HIRA: variants seen among roughly 807,000 people sequenced by gnomAD.
HIRA encodes histone cell cycle regulator.
HIRA carries 13 observed loss-of-function variants against 126.6 expected under a neutral mutation model. The observed-to-expected ratio is 0.10, with a 90% CI of 0.07 to 0.16. The LOEUF (loss-of-function observed/expected upper bound fraction) is 0.16, where lower values mean the gene tolerates loss of function less well. Among genes scored for constraint, HIRA ranks in the 10% least tolerant of loss-of-function variants. HIRA has a pLI of 1.00. For synonymous variants in HIRA, 511 were observed against 520.0 expected, an observed-to-expected ratio of 0.98 and a Z score of 0.24; for missense variants, 834 against 1,314.4, an observed-to-expected ratio of 0.63 and a Z score of 5.65.
At chr22:19,359,788 GC>G (rs553981896) in intron 17 of HIRA, among the ~76,000 whole-genome samples, 144 of 152,330 alleles carry the variant, frequency 9.5e-4, no homozygotes, top group African/African-American at 3.1e-3. Flanking sequence ...TCCCAACCCT[GC>G]CACTTCATCT....
chr22:19,365,329 T>C (rs1468262106), intron 15 of HIRA, among the ~76,000 whole-genome samples: 1 of 152,200 alleles, frequency 6.6e-6, no homozygotes, highest in Non-Finnish European at 1.5e-5. Context: ...GAAGAAGATG[T>C]CATCTAGGAC....
chr22:19,381,015 C>G (rs561322302), intron 13 of HIRA, among the ~76,000 whole-genome samples: 91 of 152,344 alleles, frequency 6.0e-4, no homozygotes, highest in African/African-American at 2.1e-3. Flanking sequence ...TACAAGAGAG[C>G]TGACATCTTT....
chr22:19,420,357 T>G (rs2072978656), intron 1 of HIRA, among the ~76,000 whole-genome samples: 1 of 149,394 alleles, frequency 6.7e-6, no homozygotes, highest in Non-Finnish European at 1.5e-5. Flanking sequence ...TCTCAGCTAC[T>G]CAGGAGGCTG....
intron 15 of HIRA, among the ~76,000 whole-genome samples, chr22:19,365,493 A>G (rs1159773379): frequency 2.0e-5 from 3 of 152,242 alleles, no homozygotes; most frequent in Non-Finnish European, 4.4e-5. Flanking sequence ...GAATTATTCT[A>G]AATCTATAAA....
At chr22:19,426,202 C>A (rs918801117) in intron 1 of HIRA, among the ~76,000 whole-genome samples, 1 of 152,156 alleles carries the variant, frequency 6.6e-6, no homozygotes, top group East Asian at 1.9e-4. Context: ...ACTAGAAATT[C>A]CTAACTCCTC....
chr22:19,360,925 G>A (rs911043787), intron 17 of HIRA, among the ~76,000 whole-genome samples: 1 of 152,148 alleles, frequency 6.6e-6, no homozygotes, highest in African/African-American at 2.4e-5. Flanking sequence ...TGTGGAGGTG[G>A]AGGTGGCTTC....
At chr22:19,368,127 C>T (rs1415823671) in intron 15 of HIRA, among the ~76,000 whole-genome samples, 1 of 152,332 alleles carries the variant, frequency 6.6e-6, no homozygotes, top group Middle Eastern at 3.4e-3. Flanking sequence ...CTTCCCACTG[C>T]TAACCAGCCT....
chr22:19,335,535 G>A (rs184537748), intron 24 of HIRA, among the ~76,000 whole-genome samples: 1 of 152,296 alleles, frequency 6.6e-6, no homozygotes, highest in African/African-American at 2.4e-5. Flanking sequence ...GTGAGCCACC[G>A]CGCCGAACGA....
chr22:19,431,375 C>T, intron 1 of HIRA, 65 bp downstream of exon 1: 1 of 1,559,514 alleles, frequency 6.4e-7, no homozygotes, highest in Non-Finnish European at 8.8e-7. Context: ...GCGCGCGCCC[C>T]GACTCGACTC....
rs755673224 is a variant in HIRA at position 19,390,807 on chromosome 22, A to G, written c.936+1294T>C. 5.4e-4 allele frequency among the ~76,000 whole-genome samples: 82 copies of G among 152,110 alleles called. 1 individual carries two copies. The highest frequency in any genetic ancestry group is 6.2e-4 in the Non-Finnish European group (42 of 68,000). On this transcript the variant is annotated intron_variant, in intron 9 of 24. Coordinates refer to ENST00000263208, the MANE Select transcript of HIRA (RefSeq NM_003325.4). ...GTCTTGGTTGTATGCCTAGGAGTGG[A>G]AGTGCTCTAGGTCATATGCTTAGCT...
intron 5 of HIRA, among the ~76,000 whole-genome samples, chr22:19,405,009 C>T (rs2089296925): frequency 6.6e-6 from 1 of 152,186 alleles, no homozygotes; most frequent in African/African-American, 2.4e-5. Flanking sequence ...CTTTTAGTGG[C>T]TCCCTATCTC....
chr22:19,420,766 T>C (rs1444256609), intron 1 of HIRA, among the ~76,000 whole-genome samples: 2 of 152,064 alleles, frequency 1.3e-5, no homozygotes, highest in Non-Finnish European at 2.9e-5. Context: ...CAGGTGATGG[T>C]TGCACTAAAA....
chr22:19,401,130 T>C (rs1435398089), intron 5 of HIRA, among the ~76,000 whole-genome samples: 1 of 152,144 alleles, frequency 6.6e-6, no homozygotes, highest in African/African-American at 2.4e-5. Flanking sequence ...TACTCTCCAA[T>C]GACACCTTTG....
chr22:19,356,759 G>T, intron 19 of HIRA, 131 bp downstream of exon 19: 1 of 871,776 alleles, frequency 1.1e-6, no homozygotes, highest in Non-Finnish European at 1.7e-6. Context: ...ATCACTAACT[G>T]CTCAGGGCCT....
chr22:19,397,442 G>C (rs185172440), intron 6 of HIRA, among the ~76,000 whole-genome samples: 91 of 152,360 alleles, frequency 6.0e-4, no homozygotes, highest in Non-Finnish European at 1.0e-3. Flanking sequence ...TTCCACACAT[G>C]CTGGTGGCTT....
intron 24 of HIRA, among the ~76,000 whole-genome samples, chr22:19,340,471 C>T (rs1556007260): frequency 6.6e-6 from 1 of 152,106 alleles, no homozygotes; most frequent in Non-Finnish European, 1.5e-5. Context: ...CAAGGATGCC[C>T]ACTGTCACCA....
intron 24 of HIRA, among the ~76,000 whole-genome samples, chr22:19,349,463 G>T (rs1450997808): frequency 6.6e-6 from 1 of 152,104 alleles, no homozygotes; most frequent in East Asian, 1.9e-4. Flanking sequence ...AAAATGAAAG[G>T]GAAGAAATAA....
chr22:19,429,328 G>A (rs1156838105), intron 1 of HIRA, among the ~76,000 whole-genome samples: 1 of 151,898 alleles, frequency 6.6e-6, no homozygotes, highest in Non-Finnish European at 1.5e-5. Context: ...AGTAGAGACG[G>A]GGTTTCACCA....
intron 15 of HIRA, among the ~76,000 whole-genome samples, chr22:19,370,431 A>G (rs1161603558): frequency 1.3e-5 from 2 of 152,098 alleles, no homozygotes; most frequent in African/African-American, 2.4e-5. Context: ...TTCAGCAGAG[A>G]TGGGGTTTCA....
Sources: gnomAD v4.1 joint callset for allele counts (sites outside exome capture counted in the v4.1 genomes callset) on GRCh38, gnomAD v4.1.1 for gene constraint, MANE v1.5 for transcripts, NCBI Gene and HGNC (gene_info 2026-07-23, HGNC 2026-07-21) for gene names.